Variants in TMTC2 observed in about 807,000 individuals in gnomAD.
TMTC2 encodes the protein transmembrane O-mannosyltransferase targeting cadherins 2.
A neutral mutation model predicts 82.4 loss-of-function variants in TMTC2; 43 were observed. The ratio of observed to expected loss-of-function variants is 0.52; its 90% CI spans 0.41 to 0.67. The LOEUF (loss-of-function observed/expected upper bound fraction) is 0.67, where lower values mean the gene tolerates loss of function less well. Ranked by LOEUF, TMTC2 falls within the 30% of genes least tolerant of loss-of-function variation. TMTC2 has a pLI of 0.00. For synonymous variants in TMTC2, 408 were observed against 381.9 expected, an observed-to-expected ratio of 1.07 and a Z score of -0.80; for missense variants, 919 against 1,012.4, an observed-to-expected ratio of 0.91 and a Z score of 1.25.
At chr12:83,044,091 C>T (rs1232893949) in intron 9 of TMTC2, among the ~76,000 whole-genome samples, 1 of 151,926 alleles carries the variant, frequency 6.6e-6, no homozygotes, top group Non-Finnish European at 1.5e-5. Flanking sequence ...CATGTGTGGC[C>T]GTTTACTGCA....
chr12:83,102,952 AAGAT>A (rs1472284198), intron 11 of TMTC2, among the ~76,000 whole-genome samples: 1 of 152,180 alleles, frequency 6.6e-6, no homozygotes, highest in Non-Finnish European at 1.5e-5. Context: ...GCAATACACA[AAGAT>A]ACTCTCCCCT....
At position 82,764,854 on chromosome 12, in the gene TMTC2, A is replaced by G. The variant is rs1389385491; in HGVS notation, c.83+77185A>G. On this transcript the variant is annotated intron_variant, in intron 1 of 11. Transcript: ENST00000321196. Reference sequence around the variant, plus strand: ...GAATCTGCATTTTTTTTTTTTTTTAACATAAGATGACATAGACAAATAGGG... The same window carrying G: ...GAATCTGCATTTTTTTTTTTTTTTAGCATAAGATGACATAGACAAATAGGG... Among the ~76,000 whole-genome samples the G allele has an allele frequency of 2.0e-5, 3 of 147,646 alleles. No homozygotes were observed. In the South Asian group the frequency reaches 6.4e-4, roughly 32 times the overall value.
At chr12:82,762,587 A>G (rs1209890862) in intron 1 of TMTC2, among the ~76,000 whole-genome samples, 1 of 152,202 alleles carries the variant, frequency 6.6e-6, no homozygotes, top group African/African-American at 2.4e-5. Context: ...AGCTGGGTGC[A>G]GTGGCTATTG....
chr12:82,855,324 G>A (rs1411375233), intron 1 of TMTC2, among the ~76,000 whole-genome samples: 1 of 152,138 alleles, frequency 6.6e-6, no homozygotes, highest in East Asian at 1.9e-4. Context: ...TAGGACTCAG[G>A]AACGTTTTCC....
chr12:82,875,983 T>A lies in TMTC2; in HGVS notation c.654+18403T>A, dbSNP rs1287675515. 5.8e-5 allele frequency among the ~76,000 whole-genome samples: 8 copies of A among 137,134 alleles called. No individual in the cohort carries two copies. The East Asian group carries it at 1.8e-3, about 30-fold the overall frequency. The allele number at this position is 137,134 out of a possible 152,430, so 90.0% of individuals were successfully genotyped here. A position where few individuals can be genotyped will look rare whatever the true frequency, so the allele number is the denominator to read the frequency against. The stretch of plus-strand genomic sequence containing the variant: ...TATCTTTTTTCTTGACCAGAGTTGT[T>A]GTTGGTGGTGTTGGTATTGGTAATG... On this transcript the variant is annotated intron_variant, in intron 2 of 11. Coordinates refer to ENST00000321196, the MANE Select transcript of TMTC2 (RefSeq NM_152588.3).
chr12:82,971,859 C>G (rs1355772212), intron 7 of TMTC2, among the ~76,000 whole-genome samples: 2 of 151,816 alleles, frequency 1.3e-5, no homozygotes, highest in Admixed American at 6.6e-5. Context: ...ACAGAGGCAG[C>G]AGACATATGA....
At chr12:82,868,476 A>G (rs1019000458) in intron 2 of TMTC2, among the ~76,000 whole-genome samples, 3 of 152,110 alleles carry the variant, frequency 2.0e-5, no homozygotes, top group Non-Finnish European at 2.9e-5. Flanking sequence ...TCCATTGGTA[A>G]TATCTTGCCA....
intron 8 of TMTC2, among the ~76,000 whole-genome samples, chr12:83,028,519 G>A (rs1881274746): frequency 6.6e-6 from 1 of 152,102 alleles, no homozygotes; most frequent in Non-Finnish European, 1.5e-5. Flanking sequence ...GCTCTTTTGT[G>A]TTGTGTGTTC....
chr12:82,890,685 A>C (rs1449424758), intron 2 of TMTC2, among the ~76,000 whole-genome samples: 2 of 152,180 alleles, frequency 1.3e-5, no homozygotes, highest in Non-Finnish European at 2.9e-5. Context: ...TGGACCTTTA[A>C]GTTTGAAAAC....
At chr12:82,833,694 T>G (rs1341274211) in intron 1 of TMTC2, among the ~76,000 whole-genome samples, 1 of 152,168 alleles carries the variant, frequency 6.6e-6, no homozygotes, top group Non-Finnish European at 1.5e-5. Context: ...CATTCAAGAT[T>G]TTTTAGCTCA....
At chr12:82,753,109 TAAAG>T (rs1194110641) in intron 1 of TMTC2, among the ~76,000 whole-genome samples, 2 of 152,152 alleles carry the variant, frequency 1.3e-5, no homozygotes, top group African/African-American at 4.8e-5. Flanking sequence ...TCTTTTCTGT[TAAAG>T]AAGCATTCAG....
chr12:82,826,511 A>G (rs1315266335), intron 1 of TMTC2, among the ~76,000 whole-genome samples: 1 of 152,232 alleles, frequency 6.6e-6, no homozygotes, highest in Non-Finnish European at 1.5e-5. Context: ...CTTAAAAAAA[A>G]GATATTTTTA....
At chr12:82,706,574 C>T (rs936748437) in intron 1 of TMTC2, among the ~76,000 whole-genome samples, 1 of 151,902 alleles carries the variant, frequency 6.6e-6, no homozygotes, top group African/African-American at 2.4e-5. Flanking sequence ...ATTATATTGG[C>T]TATATAGGAT....
intron 11 of TMTC2, among the ~76,000 whole-genome samples, chr12:83,076,777 C>T (rs374852914): frequency 6.6e-6 from 1 of 152,302 alleles, no homozygotes; most frequent in East Asian, 1.9e-4. Flanking sequence ...TTCTCTCCCT[C>T]CTGCTTCTAA....
chr12:83,017,221 T>C (rs886538875), intron 8 of TMTC2, among the ~76,000 whole-genome samples: 15 of 152,178 alleles, frequency 9.9e-5, no homozygotes, highest in Middle Eastern at 3.2e-3. Context: ...TTTCATCTTG[T>C]GGGACATGGC....
intron 11 of TMTC2, among the ~76,000 whole-genome samples, chr12:83,104,943 T>C (rs1884346423): frequency 6.6e-6 from 1 of 152,260 alleles, no homozygotes; most frequent in African/African-American, 2.4e-5. Context: ...GAGAGTAGGC[T>C]GTTAGAAGCA....
intron 1 of TMTC2, among the ~76,000 whole-genome samples, chr12:82,715,358 G>A (rs1418786212): frequency 3.3e-5 from 5 of 152,086 alleles, no homozygotes; most frequent in African/African-American, 9.7e-5. Flanking sequence ...CCACCATGCA[G>A]TGAGATATGG....
At chr12:82,755,674 G>C (rs1270995775) in intron 1 of TMTC2, among the ~76,000 whole-genome samples, 1 of 152,130 alleles carries the variant, frequency 6.6e-6, no homozygotes, top group Admixed American at 6.5e-5. Flanking sequence ...GATCAGTTAG[G>C]CAAGCCAGTG....
At chr12:82,776,093 C>A (rs1391452667) in intron 1 of TMTC2, among the ~76,000 whole-genome samples, 1 of 152,048 alleles carries the variant, frequency 6.6e-6, no homozygotes, top group Non-Finnish European at 1.5e-5. Context: ...TTGAATTGAA[C>A]CGTTATTGAG....
Sources: allele counts gnomAD v4.1 joint callset (sites outside exome capture counted in the v4.1 genomes callset), GRCh38; gene constraint gnomAD v4.1.1; transcripts MANE v1.5; gene names NCBI Gene and HGNC (gene_info 2026-07-23, HGNC 2026-07-21).